CNKSR2: variants seen among roughly 807,000 people sequenced by gnomAD.
The protein encoded by CNKSR2 is connector enhancer of kinase suppressor of Ras 2.
CNKSR2 carries 14 observed loss-of-function variants against 84.4 expected under a neutral mutation model. The ratio of observed to expected loss-of-function variants is 0.17; its 90% CI spans 0.11 to 0.26. CNKSR2 has a LOEUF of 0.26. Among genes scored for constraint, CNKSR2 ranks in the 10% least tolerant of loss-of-function variants. The probability of loss-of-function intolerance (pLI) is 1.00; values close to 1 mark genes in which losing one functional copy is unlikely to be tolerated. For missense variants in CNKSR2, 485 were observed against 771.2 expected (o/e 0.63, Z 4.40); for synonymous variants, 275 against 277.9 (o/e 0.99, Z 0.10).
At chrX:21,409,228 TTATATATATATATATATA>T (rs57301315) in intron 1 of CNKSR2, among the ~76,000 whole-genome samples, 843 of 38,429 alleles carry the variant, frequency 0.022, 27 homozygotes, top group African/African-American at 0.042. Context: ...AATGAAAAAA[TTATATATATATATATATA>T]TATATATATA....
chrX:21,586,847 C>A lies in CNKSR2; in HGVS notation c.1609-3725C>A, dbSNP rs149446008. Among the ~76,000 whole-genome samples, 789 of 111,358 alleles carry A rather than the reference C, an allele frequency of 7.1e-3. 1 individual carries two copies. Among genetic ancestry groups the A allele is most frequent in the African/African-American group, 0.024 (750 of 30,675 alleles). ...AAATTGGAAGACAGTAAAATGAATT[C>A]CCCTAAAAGGCATCGCAGAAATATG... On this transcript the variant is annotated intron_variant, in intron 13 of 21. Coordinates refer to ENST00000379510, the MANE Select transcript of CNKSR2 (RefSeq NM_014927.5).
chrX:21,398,530 A>G (rs2090148081), intron 1 of CNKSR2, among the ~76,000 whole-genome samples: 1 of 111,880 alleles, frequency 8.9e-6, no homozygotes, highest in African/African-American at 3.2e-5. Flanking sequence ...GAACTGTGTC[A>G]TTATGCACAT....
intron 4 of CNKSR2, among the ~76,000 whole-genome samples, chrX:21,450,112 G>A (rs2090908430): frequency 9.0e-6 from 1 of 110,605 alleles, no homozygotes; most frequent in Non-Finnish European, 1.9e-5. Context: ...AGGATCAGTC[G>A]GTATTTTAAG....
intron 1 of CNKSR2, among the ~76,000 whole-genome samples, chrX:21,383,822 T>C (rs2089932497): frequency 9.0e-6 from 1 of 111,654 alleles, no homozygotes; most frequent in Non-Finnish European, 1.9e-5. Context: ...TTTCCTTTTT[T>C]CAACTTATTT....
intron 11 of CNKSR2, among the ~76,000 whole-genome samples, chrX:21,533,172 ACTC>A (rs2091899908): frequency 9.1e-6 from 1 of 110,039 alleles, no homozygotes; most frequent in Non-Finnish European, 1.9e-5. Flanking sequence ...TTTAACATAA[ACTC>A]CTCAACTACA....
At chrX:21,516,902 A>G (rs1277910348) in intron 9 of CNKSR2, among the ~76,000 whole-genome samples, 1 of 111,679 alleles carries the variant, frequency 9.0e-6, no homozygotes, top group Non-Finnish European at 1.9e-5. Context: ...ATTTCATGCC[A>G]AAATATGGAT....
chrX:21,562,040 A>C (rs1044457838), intron 12 of CNKSR2, among the ~76,000 whole-genome samples: 3 of 108,773 alleles, frequency 2.8e-5, no homozygotes, highest in Non-Finnish European at 3.9e-5. Flanking sequence ...AAAAAAAAAA[A>C]CCGTGCTTTT....
chrX:21,571,077 C>T (rs1325830709), intron 13 of CNKSR2, among the ~76,000 whole-genome samples: 1 of 111,988 alleles, frequency 8.9e-6, no homozygotes, highest in Non-Finnish European at 1.9e-5. Context: ...TTGACTTCTC[C>T]TCTCTAGCTA....
At position 21,613,484 on chromosome X, in the gene CNKSR2, C is replaced by T. The variant is rs181449249; in HGVS notation, c.2692+3867C>T. The stretch of plus-strand genomic sequence containing the variant: ...TACCAGTATTCTCACTTAATTTACA[C>T]GTATATGTAGCTTGGGCTTAGAAAT... On this transcript the variant is annotated intron_variant, in intron 20 of 21. Transcript: ENST00000379510. Among the ~76,000 whole-genome samples the T allele has an allele frequency of 2.1e-3, 237 of 111,884 alleles. 1 individual carries two copies. The highest frequency in any genetic ancestry group is 6.2e-3 in the African/African-American group (192 of 30,814).
intron 11 of CNKSR2, among the ~76,000 whole-genome samples, chrX:21,551,946 G>A (rs2092096498): frequency 1.8e-5 from 2 of 111,046 alleles, no homozygotes; most frequent in Admixed American, 1.9e-4. Flanking sequence ...TTCACAGTTA[G>A]TATATTCTCT....
intron 5 of CNKSR2, among the ~76,000 whole-genome samples, chrX:21,482,975 G>C (rs1335710471): frequency 1.8e-5 from 2 of 111,796 alleles, no homozygotes; most frequent in African/African-American, 6.5e-5. Context: ...GAAAATCTTA[G>C]TCTTTGCTGT....
chrX:21,579,095 A>C (rs999207643), intron 13 of CNKSR2, among the ~76,000 whole-genome samples: 1 of 112,153 alleles, frequency 8.9e-6, no homozygotes, highest in Admixed American at 9.4e-5. Context: ...GAAAAGTAAA[A>C]CAATGTGTAT....
chrX:21,450,337 G>A (rs776331838), intron 4 of CNKSR2, among the ~76,000 whole-genome samples: 15 of 111,734 alleles, frequency 1.3e-4, no homozygotes, highest in Admixed American at 9.6e-4. Context: ...GGACAATTTA[G>A]TATTTATTAG....
At chrX:21,548,212 A>T (rs1208716040) in intron 11 of CNKSR2, among the ~76,000 whole-genome samples, 1 of 111,826 alleles carries the variant, frequency 8.9e-6, no homozygotes, top group Non-Finnish European at 1.9e-5. Flanking sequence ...AATCAAATAG[A>T]CACAATAAAA....
At chrX:21,609,752 T>A in intron 20 of CNKSR2, 135 bp downstream of exon 20, 8 of 845,974 alleles carry the variant, frequency 9.5e-6, no homozygotes, top group Non-Finnish European at 1.3e-5. Context: ...AAGTTAGGTC[T>A]CCCTTGGTGA....
At chrX:21,482,069 T>C (rs2091326231) in intron 5 of CNKSR2, among the ~76,000 whole-genome samples, 1 of 111,760 alleles carries the variant, frequency 8.9e-6, no homozygotes, top group Non-Finnish European at 1.9e-5. Flanking sequence ...TTGTAGTAAT[T>C]TGTTACACAG....
intron 20 of CNKSR2, chrX:21,644,133 G>A (rs903242235): frequency 3.6e-5 from 4 of 111,498 alleles, no homozygotes; most frequent in African/African-American, 9.8e-5. Context: ...TCATTAGCCC[G>A]GAAGCCTTAA....
chrX:21,409,860 T>C, intron 1 of CNKSR2, among the ~76,000 whole-genome samples: 1 of 111,669 alleles, frequency 9.0e-6, no homozygotes, highest in South Asian at 3.8e-4. Flanking sequence ...GGAATAGACT[T>C]TTTCTCTCCA....
intron 13 of CNKSR2, among the ~76,000 whole-genome samples, chrX:21,577,976 C>G (rs753124365): frequency 9.0e-6 from 1 of 111,128 alleles, no homozygotes; most frequent in Admixed American, 9.6e-5. Context: ...GATAAATTTT[C>G]TAAGAACTAT....
Sources: allele counts gnomAD v4.1 joint callset (sites outside exome capture counted in the v4.1 genomes callset), GRCh38; gene constraint gnomAD v4.1.1; transcripts MANE v1.5; gene names NCBI Gene and HGNC (gene_info 2026-07-23, HGNC 2026-07-21).